ADGRF5: variants seen among roughly 807,000 people sequenced by gnomAD.
The protein encoded by ADGRF5 is G-protein coupled receptor 116.
Under a neutral mutation model 132.3 loss-of-function variants are expected in ADGRF5, and 75 were observed. That is an observed-to-expected ratio of 0.57 (90% CI 0.47 to 0.69). The LOEUF (loss-of-function observed/expected upper bound fraction) is 0.69, where lower values mean the gene tolerates loss of function less well. Among genes scored for constraint, ADGRF5 ranks in the 30% least tolerant of loss-of-function variants. The probability of loss-of-function intolerance (pLI) is 0.00; values close to 1 mark genes in which losing one functional copy is unlikely to be tolerated. For synonymous variants in ADGRF5, 629 were observed against 597.6 expected (o/e 1.05, Z -0.77); for missense variants, 1,516 against 1,630.6 (o/e 0.93, Z 1.21).
intron 3 of ADGRF5, among the ~76,000 whole-genome samples, chr6:46,892,945 A>C (rs888081026): frequency 6.6e-6 from 1 of 152,166 alleles, no homozygotes; most frequent in Non-Finnish European, 1.5e-5. Flanking sequence ...CACAGGGTGA[A>C]TAAAAGGAGC....
At chr6:46,941,470 G>GAAAAGAAAAGAAAA (rs1778083917) in intron 1 of ADGRF5, among the ~76,000 whole-genome samples, 1 of 107,876 alleles carries the variant, frequency 9.3e-6, no homozygotes, top group South Asian at 3.3e-4. Context: ...AGAAAAGAAA[G>GAAAAGAAAAGAAAA]AAAAGAAAAG....
At chr6:46,892,240 C>T (rs1354061008) in intron 3 of ADGRF5, among the ~76,000 whole-genome samples, 1 of 150,744 alleles carries the variant, frequency 6.6e-6, no homozygotes, top group African/African-American at 2.4e-5. Flanking sequence ...TGGAGCTCAG[C>T]CCATGTGAAC....
At chr6:46,914,593 A>T (rs1776263080) in intron 1 of ADGRF5, among the ~76,000 whole-genome samples, 1 of 152,116 alleles carries the variant, frequency 6.6e-6, no homozygotes, top group South Asian at 2.1e-4. Context: ...CACACTGCAC[A>T]TGTGGGCGGC....
intron 15 of ADGRF5, among the ~76,000 whole-genome samples, chr6:46,862,162 T>C (rs763282972): frequency 9.2e-5 from 14 of 152,226 alleles, no homozygotes; most frequent in Admixed American, 2.6e-4. Context: ...TACCCTTTTT[T>C]TCAATTATTT....
chr6:46,945,259 T>C (rs541599886), intron 1 of ADGRF5, among the ~76,000 whole-genome samples: 4 of 152,352 alleles, frequency 2.6e-5, no homozygotes, highest in South Asian at 2.1e-4. Context: ...AATTGTGATT[T>C]TGACTTTAAG....
chr6:46,952,236 T>C (rs1561845865), intron 1 of ADGRF5, among the ~76,000 whole-genome samples: 1 of 152,244 alleles, frequency 6.6e-6, no homozygotes, highest in African/African-American at 2.4e-5. Context: ...TACTTGGATG[T>C]GCCAGCATTT....
chr6:46,858,236 C>A lies in ADGRF5; in HGVS notation c.3667G>T (p.Val1223Phe), dbSNP rs1225532020. The change falls in exon 17 of 21, where the codon GTC becomes TTC. Residue 1223 changes from valine (V) to phenylalanine (F), a missense_variant. Coordinates refer to ENST00000283296, the MANE Select transcript of ADGRF5 (RefSeq NM_001098518.2). ...SLFQISKSIG[V>F]LTPLLGLTWG... is the part of the protein sequence containing the mutation. ...GTGAGGCCCAAGAGTGGTGTGAGGACCCCAATGCTCTTGCTGATCTGAAAC... is the reference window on the plus strand; with the variant it reads ...GTGAGGCCCAAGAGTGGTGTGAGGAACCCAATGCTCTTGCTGATCTGAAAC... 5.6e-6 allele frequency: 9 copies of A among 1,613,956 alleles called. No individual in the cohort carries two copies. The highest frequency in any genetic ancestry group is 1.3e-5 in the African/African-American group (1 of 74,890).
chr6:46,944,554 T>C (rs766729286), intron 1 of ADGRF5, among the ~76,000 whole-genome samples: 1 of 152,182 alleles, frequency 6.6e-6, no homozygotes, highest in African/African-American at 2.4e-5. Context: ...CCCAGAGATA[T>C]GCATTTTGAT....
chr6:46,917,809 G>A (rs1197509380), intron 1 of ADGRF5, among the ~76,000 whole-genome samples: 3 of 152,132 alleles, frequency 2.0e-5, no homozygotes, highest in Admixed American at 2.0e-4. Flanking sequence ...ATGAGGAATT[G>A]ATGGGCACAG....
At chr6:46,867,179 C>A (rs755016470) in intron 12 of ADGRF5, 42 bp from the exon 13 acceptor site, 12 of 1,164,014 alleles carry the variant, frequency 1.0e-5, no homozygotes, top group Non-Finnish European at 1.4e-5. Flanking sequence ...TGGAAATAAT[C>A]GCCCTTCAAA....
upstream of ADGRF5, among the ~76,000 whole-genome samples, chr6:46,926,791 G>T (rs780702058): frequency 1.6e-4 from 25 of 152,164 alleles, no homozygotes; most frequent in Non-Finnish European, 2.8e-4. Flanking sequence ...CCATGGAGAA[G>T]AGCAGGTATT....
chr6:46,920,103 A>G (rs1276578595), intron 1 of ADGRF5, among the ~76,000 whole-genome samples: 1 of 152,204 alleles, frequency 6.6e-6, no homozygotes, highest in Admixed American at 6.5e-5. Flanking sequence ...TTATCTATCA[A>G]TCTAGCTATT....
rs1360340072 is a variant in ADGRF5, at chr6:46,898,487, A to T, written c.157+1542T>A. Reference sequence around the variant, plus strand: ...TACTGTGCCATAGGCCACTTCAGGGAAGGAGGGAGAAAGGGAGCATGGGAT... The same window carrying T: ...TACTGTGCCATAGGCCACTTCAGGGTAGGAGGGAGAAAGGGAGCATGGGAT... On this transcript the variant is annotated intron_variant, in intron 3 of 20. Coordinates refer to ENST00000283296, the MANE Select transcript of ADGRF5 (RefSeq NM_001098518.2). Among the ~76,000 whole-genome samples, 3 of 152,104 alleles carry T rather than the reference A, an allele frequency of 2.0e-5. No individual in the cohort carries two copies. The East Asian group carries it at 5.8e-4, about 29-fold the overall frequency.
chr6:46,865,379 A>C (rs1770299222), intron 13 of ADGRF5, among the ~76,000 whole-genome samples, 182 bp from the exon 14 acceptor site: 1 of 152,238 alleles, frequency 6.6e-6, no homozygotes, highest in Non-Finnish European at 1.5e-5. Flanking sequence ...CATGTGTGCT[A>C]GTCAAAACTT....
intron 20 of ADGRF5, chr6:46,854,756 A>G (rs984370416): frequency 1.6e-6 from 2 of 1,287,008 alleles, no homozygotes; most frequent in Non-Finnish European, 2.0e-6. Context: ...GGTTTCCGTC[A>G]TGGCCTGGGG....
chr6:46,926,515 C>T (rs1240572350), upstream of ADGRF5, among the ~76,000 whole-genome samples: 1 of 152,012 alleles, frequency 6.6e-6, no homozygotes, highest in Admixed American at 6.5e-5. Flanking sequence ...AGGTATGGTT[C>T]GTTGAGGTGT....
chr6:46,897,651 T>C (rs1371671378), intron 3 of ADGRF5, among the ~76,000 whole-genome samples: 1 of 150,762 alleles, frequency 6.6e-6, no homozygotes, highest in African/African-American at 2.4e-5. Context: ...CTCAGCTCAC[T>C]GCAACCTCCG....
At chr6:46,893,058 ATTTTTTTT>A (rs35014340) in intron 3 of ADGRF5, among the ~76,000 whole-genome samples, 22 of 86,718 alleles carry the variant, frequency 2.5e-4, no homozygotes, top group Admixed American at 4.9e-4. Context: ...GACAACAGGG[ATTTTTTTT>A]TTTTTTTTTT....
At chr6:46,895,060 C>T (rs1774030487) in intron 3 of ADGRF5, among the ~76,000 whole-genome samples, 1 of 152,030 alleles carries the variant, frequency 6.6e-6, no homozygotes. Flanking sequence ...ACCTGTAATT[C>T]CAGCTACTTG....
Sources: allele counts gnomAD v4.1 joint callset (sites outside exome capture counted in the v4.1 genomes callset), GRCh38; gene constraint gnomAD v4.1.1; transcripts MANE v1.5; gene names NCBI Gene and HGNC (gene_info 2026-07-23, HGNC 2026-07-21).